The following RAB2B variants were observed in gnomAD, a reference collection of about 807,000 sequenced individuals.
RAB2B encodes the protein ras-related protein Rab-2B.
A neutral mutation model predicts 29.8 loss-of-function variants in RAB2B; 20 were observed. That is an observed-to-expected ratio of 0.67 (90% CI 0.47 to 0.97). The LOEUF is 0.97. RAB2B is among the 50% of genes least tolerant of loss of function. The pLI is 0.00. For missense variants in RAB2B, 218 were observed against 272.0 expected (o/e 0.80, Z 1.40); for synonymous variants, 93 against 91.7 (o/e 1.01, Z -0.08).
At chr14:21,470,401 A>T (rs765239674) in intron 3 of RAB2B, among the ~76,000 whole-genome samples, 1 of 152,142 alleles carries the variant, frequency 6.6e-6, no homozygotes, top group Non-Finnish European at 1.5e-5. Context: ...CTTAGCCACT[A>T]TATCATATAA....
rs538783586 is a variant in RAB2B, at chr14:21,473,283, GAAGT to G, written c.186+1580_186+1583del. Among the ~76,000 whole-genome samples, 44 of 152,258 alleles carry G rather than the reference GAAGT, an allele frequency of 2.9e-4. No individual in the cohort carries two copies. The South Asian group carries it at 6.2e-3, about 22-fold the overall frequency. On this transcript the variant is annotated intron_variant, in intron 3 of 7. Transcript: ENST00000397762. ...GAGAAGAAACAGAATCACATAGTAA[GAAGT>G]AAGCAAAAAAAGTAAGAGATTTTAG...
At position 21,460,368 on chromosome 14, in the gene RAB2B, C is replaced by T. The variant is rs773461338; in HGVS notation, c.*828G>A. On this transcript the variant is annotated 3_prime_UTR_variant, in exon 8 of 8. Coordinates refer to ENST00000397762, the MANE Select transcript of RAB2B (RefSeq NM_032846.4). ...TTGGGAGGCCAAGGTGGGCGGATCA[C>T]GAGGTCAAGAGATCAAGACCATCCT... 18 of 496,046 alleles carry T rather than the reference C, an allele frequency of 3.6e-5. No individual in the cohort carries two copies. Among genetic ancestry groups the T allele is most frequent in the Middle Eastern group, 6.7e-4 (2 of 2,970 alleles). The allele number at this position is 496,046 out of a possible 1,614,324, so 30.7% of individuals were successfully genotyped here. A position where few individuals can be genotyped will look rare whatever the true frequency, so the allele number is the denominator to read the frequency against.
intron 5 of RAB2B, among the ~76,000 whole-genome samples, chr14:21,465,968 A>G (rs1890676217): frequency 1.3e-5 from 2 of 152,188 alleles, no homozygotes; most frequent in Non-Finnish European, 2.9e-5. Flanking sequence ...TCCCAGCTTA[A>G]TATCACTCCT....
At chr14:21,472,123 A>C (rs1187114246) in intron 3 of RAB2B, among the ~76,000 whole-genome samples, 1 of 152,048 alleles carries the variant, frequency 6.6e-6, no homozygotes, top group Non-Finnish European at 1.5e-5. Flanking sequence ...ATTCCTTCCA[A>C]TGAACGGTTT....
At chr14:21,468,603 G>GAAA (rs35440295) in intron 4 of RAB2B, 67 bp downstream of exon 4, 3,267 of 1,080,878 alleles carry the variant, frequency 3.0e-3, no homozygotes, top group Admixed American at 6.5e-3. Context: ...TCAGTAGATA[G>GAAA]AAAAAAAAAA....
chr14:21,474,614 T>G, intron 3 of RAB2B: 1 of 433,130 alleles, frequency 2.3e-6, no homozygotes, highest in Non-Finnish European at 4.1e-6. Flanking sequence ...GACATTTACT[T>G]TCTATTCTAT....
chr14:21,472,257 T>C (rs1465125586), intron 3 of RAB2B, among the ~76,000 whole-genome samples: 1 of 152,198 alleles, frequency 6.6e-6, no homozygotes, highest in East Asian at 1.9e-4. Flanking sequence ...TAGGAATACG[T>C]GTATACACAC....
At chr14:21,461,409 G>T in intron 7 of RAB2B, 106 bp from the exon 8 acceptor site, 1 of 686,086 alleles carries the variant, frequency 1.5e-6, no homozygotes, top group Admixed American at 3.3e-5. Context: ...AAACAGAAAG[G>T]GGAGAAAGGA....
chr14:21,460,400 C>T lies in RAB2B; in HGVS notation c.*796G>A, dbSNP rs753741627. The stretch of plus-strand genomic sequence containing the variant: ...AAGAGATCAAGACCATCCTGGCCAA[C>T]ATGGTGAAACCCTGTCTCTACTAAA... On this transcript the variant is annotated 3_prime_UTR_variant, in exon 8 of 8. Transcript: ENST00000397762. 1.4e-5 allele frequency: 6 copies of T among 439,860 alleles called. No homozygotes were observed. The Admixed American group carries it at 1.6e-4, about 12-fold the overall frequency. The allele number at this position is 439,860 out of a possible 1,614,324, so 27.2% of individuals were successfully genotyped here.
In RAB2B at chr14:21,459,421, CTAAAATAAACCT is replaced by C. The variant is rs563254262; in HGVS notation, c.*1763_*1774del. 246 of 152,170 alleles carry C rather than the reference CTAAAATAAACCT, an allele frequency of 1.6e-3. No homozygotes were observed. Among genetic ancestry groups the C allele is most frequent in the African/African-American group, 5.5e-3 (227 of 41,526 alleles). 9.4% of individuals were successfully genotyped at this position (152,170 alleles called of 1,614,324 possible). A position where few individuals can be genotyped will look rare whatever the true frequency, so the allele number is the denominator to read the frequency against. On this transcript the variant is annotated 3_prime_UTR_variant, in exon 8 of 8. Coordinates refer to ENST00000397762, the MANE Select transcript of RAB2B (RefSeq NM_032846.4). ...TAAAGTCTTTTGTTTCCTTGAAAGTCTAAAATAAACCTTAAGTTTTTAACTATGTCAGTCAAA... is the reference window on the plus strand; with the variant it reads ...TAAAGTCTTTTGTTTCCTTGAAAGTCTAAGTTTTTAACTATGTCAGTCAAA...
At chr14:21,469,872 G>A (rs529525710) in intron 3 of RAB2B, among the ~76,000 whole-genome samples, 28 of 151,496 alleles carry the variant, frequency 1.8e-4, no homozygotes, top group Non-Finnish European at 2.9e-4. Flanking sequence ...AATGTGCTAC[G>A]AACTTTAAGA....
At chr14:21,476,497 C>T (rs745553064) in intron 2 of RAB2B, 31 bp downstream of exon 2, 13 of 1,612,984 alleles carry the variant, frequency 8.1e-6, no homozygotes, top group South Asian at 2.2e-5. Flanking sequence ...CAGGTTTTAT[C>T]ATCTGTTCTG....
intron 2 of RAB2B, among the ~76,000 whole-genome samples, chr14:21,475,556 A>C (rs1170150716): frequency 6.6e-6 from 1 of 150,936 alleles, no homozygotes; most frequent in Non-Finnish European, 1.5e-5. Flanking sequence ...TCAGCCTCCC[A>C]AGTAAGTACC....
At chr14:21,462,265 G>GGAATAC in intron 7 of RAB2B, 85 bp downstream of exon 7, 1 of 1,092,706 alleles carries the variant, frequency 9.2e-7, no homozygotes, top group Non-Finnish European at 1.3e-6. Flanking sequence ...GATAGATGGG[G>GGAATAC]AATGTAAGCA....
intron 5 of RAB2B, among the ~76,000 whole-genome samples, chr14:21,466,685 T>C (rs924484124): frequency 3.9e-5 from 6 of 152,314 alleles, no homozygotes; most frequent in Middle Eastern, 3.4e-3. Flanking sequence ...AGTTGCAATG[T>C]CAATATCAGA....
At position 21,476,587 on chromosome 14, in the gene RAB2B, G is replaced by A. The variant is rs1463845867; in HGVS notation, c.59C>T (p.Ser20Leu). 4 of 1,613,678 alleles carry A rather than the reference G, an allele frequency of 2.5e-6. No homozygotes were observed. ...IIIGDTGVGK[S>L]CLLLQFTDKR... ...ATCTGTAAACTGCAGGAGGAGACAT[G>A]ACTTCCCCACACCTGAAAGAGAAAG... The change falls in exon 2 of 8, where the codon TCA (serine) becomes TTA (leucine). Residue 20 changes from serine (S) to leucine (L), a missense_variant. Coordinates refer to ENST00000397762, the MANE Select transcript of RAB2B (RefSeq NM_032846.4).
chr14:21,467,347 C>G (rs753871341), intron 5 of RAB2B, among the ~76,000 whole-genome samples: 2 of 152,116 alleles, frequency 1.3e-5, no homozygotes, highest in Non-Finnish European at 2.9e-5. Flanking sequence ...TTTGTATAAA[C>G]AAGGTCTCAC....
intron 3 of RAB2B, among the ~76,000 whole-genome samples, chr14:21,473,582 G>C (rs999149831): frequency 6.6e-6 from 1 of 152,184 alleles, no homozygotes; most frequent in African/African-American, 2.4e-5. Context: ...TAAAAACTTT[G>C]TAAATAAGGA....
intron 6 of RAB2B, 79 bp downstream of exon 6, chr14:21,463,577 G>A (rs1890617438): frequency 1.9e-6 from 2 of 1,050,664 alleles, no homozygotes; most frequent in Non-Finnish European, 2.9e-6. Context: ...ATTTCTTATA[G>A]GAGAAGAGAA....
Sources: allele counts gnomAD v4.1 joint callset (sites outside exome capture counted in the v4.1 genomes callset), GRCh38; gene constraint gnomAD v4.1.1; transcripts MANE v1.5; gene names NCBI Gene and HGNC (gene_info 2026-07-23, HGNC 2026-07-21).